SMARCA4: variants seen among roughly 807,000 people sequenced by gnomAD.
SMARCA4 encodes SWI/SNF related BAF chromatin remodeling complex subunit ATPase 4, also known as SWI/SNF-related matrix-associated actin-dependent regulator of chromatin subfamily A member 4.
In SMARCA4, 31 loss-of-function variants were observed where a neutral mutation model predicts 193.9. The ratio of observed to expected loss-of-function variants is 0.16; its 90% confidence interval spans 0.12 to 0.22. SMARCA4 has a LOEUF of 0.22. Among genes scored for constraint, SMARCA4 ranks in the 10% least tolerant of loss-of-function variants. The probability of loss-of-function intolerance (pLI) is 1.00; values close to 1 mark genes in which losing one functional copy is unlikely to be tolerated. For missense variants in SMARCA4, 1,148 were observed against 2,296.0 expected (o/e 0.50, Z 10.22); for synonymous variants, 942 against 933.1 (o/e 1.01, Z -0.17).
intron 30 of SMARCA4, among the ~76,000 whole-genome samples, chr19:11,042,394 G>A (rs2075669786): frequency 1.3e-5 from 2 of 152,366 alleles, no homozygotes; most frequent in East Asian, 1.9e-4. Flanking sequence ...AGCTGGGCAG[G>A]AGCCAGCAAA....
intron 1 of SMARCA4, among the ~76,000 whole-genome samples, chr19:10,983,300 T>C (rs73923295): frequency 1.6e-4 from 24 of 152,354 alleles, no homozygotes; most frequent in African/African-American, 5.8e-4. Flanking sequence ...ATTTGTGTAA[T>C]ACTTTATCCT....
chr19:10,999,005 C>A (rs576528923), intron 11 of SMARCA4, among the ~76,000 whole-genome samples: 2 of 151,588 alleles, frequency 1.3e-5, no homozygotes, highest in Non-Finnish European at 2.9e-5. Flanking sequence ...TGGACTGAAG[C>A]GATCCTCCCA....
chr19:10,995,537 C>A (rs745410057), intron 9 of SMARCA4: 1 of 455,768 alleles, frequency 2.2e-6, no homozygotes, highest in Non-Finnish European at 4.4e-6. Context: ...AGGGGAGGGA[C>A]AGGGTAGTAA....
At chr19:10,977,625 A>C (rs1286332137) in intron 1 of SMARCA4, 1 of 152,246 alleles carries the variant, frequency 6.6e-6, no homozygotes, top group Non-Finnish European at 1.5e-5. Flanking sequence ...TGCCCAGCCC[A>C]TGACTCAGTT....
intron 9 of SMARCA4, chr19:10,995,333 C>G (rs1283383062): frequency 1.9e-6 from 1 of 514,936 alleles, no homozygotes; most frequent in East Asian, 5.0e-5. Context: ...CATCTCTGAC[C>G]ATTTATTTGT....
In SMARCA4 at chr19:11,019,534, T is replaced by C. The variant is rs376779479; in HGVS notation, c.2506-57T>C. The C allele has an allele frequency of 4.3e-6, 5 of 1,165,616 alleles. No homozygotes were observed. The highest frequency in any genetic ancestry group is 6.3e-6 in the Non-Finnish European group (5 of 792,616). 72.2% of individuals were successfully genotyped at this position (1,165,616 alleles called of 1,614,324 possible). A position where few individuals can be genotyped will look rare whatever the true frequency, so the allele number is the denominator to read the frequency against. On this transcript the variant is annotated intron_variant, in intron 17 of 34. Transcript: ENST00000344626. This position sits in a 1 kb window ranked among gnomAD's most constrained non-coding sequence, Gnocchi z 6.1. ...GTTGCAGGGGGTGCCTGTGCCCCTC[T>C]TGCCACCTGGCCACCCGGCTCCAAA...
intron 11 of SMARCA4, among the ~76,000 whole-genome samples, chr19:11,002,397 T>C (rs1212592903): frequency 2.6e-5 from 4 of 152,050 alleles, no homozygotes; most frequent in African/African-American, 9.7e-5. Flanking sequence ...GAGAATGGCA[T>C]GAACCTGGGA....
At chr19:10,997,626 T>C (rs551159761) in intron 11 of SMARCA4, among the ~76,000 whole-genome samples, 2 of 152,154 alleles carry the variant, frequency 1.3e-5, no homozygotes, top group South Asian at 4.2e-4. Context: ...ACGCCTGGCC[T>C]AATTTTTTAA....
intron 11 of SMARCA4, among the ~76,000 whole-genome samples, chr19:11,001,348 G>A (rs954451998): frequency 2.6e-5 from 4 of 152,160 alleles, no homozygotes; most frequent in East Asian, 1.9e-4. Context: ...GTGCACTTGC[G>A]GTCCCAGCTG....
At chr19:11,053,119 G>C (rs73925106) in intron 30 of SMARCA4, among the ~76,000 whole-genome samples, 2,467 of 152,256 alleles carry the variant, frequency 0.016, 69 homozygotes, top group African/African-American at 0.057. Context: ...TGCACTTGGA[G>C]GCTGGGCACG....
intron 30 of SMARCA4, among the ~76,000 whole-genome samples, chr19:11,052,608 G>A (rs1372343457): frequency 6.6e-6 from 1 of 152,204 alleles, no homozygotes; most frequent in Non-Finnish European, 1.5e-5. Flanking sequence ...TGTGATTTCT[G>A]CCTCTTCAGA....
At chr19:11,037,112 G>C (rs1214664380) in intron 29 of SMARCA4, among the ~76,000 whole-genome samples, 1 of 152,134 alleles carries the variant, frequency 6.6e-6, no homozygotes, top group Non-Finnish European at 1.5e-5. Context: ...ACGTTTTTGC[G>C]TGCACGCGTT....
At chr19:11,061,760 T>A in intron 34 of SMARCA4, 24 bp from the exon 35 acceptor site, 1 of 1,612,664 alleles carries the variant, frequency 6.2e-7, no homozygotes, top group Non-Finnish European at 8.5e-7. Flanking sequence ...CAACGCACAC[T>A]CTCTCCTCCT....
rs112064378 is a variant in SMARCA4, at chr19:10,983,117, C to T, written c.-31-1004C>T. On this transcript the variant is annotated intron_variant, in intron 1 of 34. Coordinates refer to ENST00000344626, the MANE Select transcript of SMARCA4 (RefSeq NM_003072.5). ...TGAGAAATTTCACTGAGTGTGGGTG[C>T]GTCTTCAGCCAGCGAGGGCCTTCAG... Among the ~76,000 whole-genome samples the T allele has an allele frequency of 3.6e-3, 550 of 152,012 alleles. 7 individuals are homozygous for T. The highest frequency in any genetic ancestry group is 0.012 in the African/African-American group (511 of 41,320).
Position 11,019,104 on chromosome 19 carries a change from G to A in SMARCA4, c.2505+81G>A, listed in dbSNP as rs1052666451. 7.8e-5 allele frequency: 82 copies of A among 1,056,284 alleles called. No individual in the cohort carries two copies. The highest frequency in any genetic ancestry group is 1.1e-4 in the Non-Finnish European group (74 of 672,508). The allele number at this position is 1,056,284 out of a possible 1,614,324, so 65.4% of individuals were successfully genotyped here. A position where few individuals can be genotyped will look rare whatever the true frequency, so the allele number is the denominator to read the frequency against. On this transcript the variant is annotated intron_variant, in intron 17 of 34. Coordinates refer to ENST00000344626, the MANE Select transcript of SMARCA4 (RefSeq NM_003072.5). The surrounding 1 kb of genome is among the most constrained non-coding windows in gnomAD (Gnocchi z 6.1). ...GGCAGGACGTCCACACATACCTCTG[G>A]ACAGTGAACCTGAGAATGCTGGGTC... is the stretch of plus-strand genomic sequence containing the variant.
chr19:11,043,221 G>A (rs1056075447), intron 30 of SMARCA4, among the ~76,000 whole-genome samples: 18 of 152,124 alleles, frequency 1.2e-4, no homozygotes, highest in African/African-American at 3.6e-4. Context: ...GCTGGGAGGC[G>A]GAGGTTGCAG....
In SMARCA4 at chr19:11,029,629, C is replaced by T. The variant is rs114071689; in HGVS notation, c.3383-1101C>T. On this transcript the variant is annotated intron_variant, in intron 24 of 34. Transcript: ENST00000344626. ...GCCAGGCTACTGTGGGCTTCTGCAC[C>T]GTGCCTGGGCATGTGTAGGCTGGTG... Among the ~76,000 whole-genome samples, 154 of 152,340 alleles carry T rather than the reference C, an allele frequency of 1.0e-3. 1 individual carries two copies. The highest frequency in any genetic ancestry group is 3.5e-3 in the African/African-American group (144 of 41,588).
chr19:10,992,239 G>C (rs1334048642), intron 8 of SMARCA4, among the ~76,000 whole-genome samples: 3 of 151,182 alleles, frequency 2.0e-5, no homozygotes, highest in Non-Finnish European at 4.4e-5. Context: ...AGCCTACCTA[G>C]TAGCTGGGAT....
chr19:10,995,929 T>G, intron 9 of SMARCA4: 5 of 489,648 alleles, frequency 1.0e-5, no homozygotes, highest in African/African-American at 1.9e-5. Context: ...GGCTTCGGGT[T>G]TGGGGTGTAT....
Sources: gnomAD v4.1 joint callset for allele counts (sites outside exome capture counted in the v4.1 genomes callset) on GRCh38, gnomAD v4.1.1 for gene constraint, Gnocchi (gnomAD v3.1) non-coding constraint, MANE v1.5 for transcripts, NCBI Gene and HGNC (gene_info 2026-07-23, HGNC 2026-07-21) for gene names.